The following KMT2C variants were observed in gnomAD, a reference collection of about 807,000 sequenced individuals.
KMT2C encodes the protein histone-lysine N-methyltransferase 2C.
Under a neutral mutation model 507.9 loss-of-function variants are expected in KMT2C, and 88 were observed. That is an observed-to-expected ratio of 0.17 (90% CI 0.15 to 0.21). The LOEUF (loss-of-function observed/expected upper bound fraction) is 0.21. Among genes scored for constraint, KMT2C ranks in the 10% least tolerant of loss-of-function variants. KMT2C has a pLI of 1.00. For synonymous variants in KMT2C, 2,049 were observed against 2,080.8 expected, an observed-to-expected ratio of 0.98 and a Z score of 0.42; for missense variants, 4,954 against 5,957.8, an observed-to-expected ratio of 0.83 and a Z score of 5.55.
intron 55 of KMT2C, among the ~76,000 whole-genome samples, chr7:152,141,267 G>C (rs2090501975): frequency 6.6e-6 from 1 of 151,844 alleles, no homozygotes; most frequent in South Asian, 2.1e-4. Context: ...CTTTAATCTG[G>C]GAGCCAAGAT....
chr7:152,317,441 C>T (rs2096731565), intron 3 of KMT2C, among the ~76,000 whole-genome samples: 1 of 152,132 alleles, frequency 6.6e-6, no homozygotes, highest in Non-Finnish European at 1.5e-5. Context: ...ATTCACTTTT[C>T]TGAAACCCAT....
At chr7:152,308,015 A>C (rs189193701) in intron 6 of KMT2C, among the ~76,000 whole-genome samples, 2 of 152,330 alleles carry the variant, frequency 1.3e-5, no homozygotes, top group Admixed American at 1.3e-4. Flanking sequence ...TTTTCACTGA[A>C]ATATCATTGT....
chr7:152,183,233 T>G, intron 34 of KMT2C, 77 bp from the exon 35 acceptor site: 1 of 1,193,268 alleles, frequency 8.4e-7, no homozygotes, highest in Non-Finnish European at 1.2e-6. Flanking sequence ...TATCATGAAC[T>G]TTCTCAAATA....
At position 152,187,797 on chromosome 7, in the gene KMT2C, G is replaced by A. The variant is rs2093670010; in HGVS notation, c.4711C>T (p.His1571Tyr). 9 of 1,613,884 alleles carry A rather than the reference G, an allele frequency of 5.6e-6. No individual in the cohort carries two copies. The highest frequency in any genetic ancestry group is 1.3e-5 in the African/African-American group (1 of 74,924). ...LMNGLIGSSP[H>Y]LPHNSLPPGS... ...GGTGGCAAAGAATTATGTGGGAGAT[G>A]AGGACTGGATCCAATAAGGCCATTC... Residue 1571 changes from histidine (H) to tyrosine (Y), a missense_variant, in exon 32 of 59, where the codon CAT becomes TAT. Around this residue, in one of 29 missense-constraint regions of KMT2C, gnomAD observed 195 missense variants for 183.7 expected, o/e 1.06. Coordinates refer to ENST00000262189, the MANE Select transcript of KMT2C (RefSeq NM_170606.3).
chr7:152,146,790 CAAG>C, intron 52 of KMT2C, 55 bp from the exon 53 acceptor site: 1 of 1,502,318 alleles, frequency 6.7e-7, no homozygotes, highest in Non-Finnish European at 9.1e-7. Flanking sequence ...GTATAAAAAA[CAAG>C]AGCAAAATGA....
In KMT2C at chr7:152,178,014, TTA is replaced by T. The variant is rs1491186884; in HGVS notation, c.7443-6_7443-5del. 1.0e-4 allele frequency: 113 copies of T among 1,129,600 alleles called. No homozygotes were observed. Among genetic ancestry groups the T allele is most frequent in the East Asian group, 5.2e-4 (13 of 25,204 alleles). 70.0% of individuals were successfully genotyped at this position (1,129,600 alleles called of 1,614,324 possible). On this transcript the variant is annotated splice_polypyrimidine_tract_variant and splice_region_variant and intron_variant, in intron 37 of 58. Transcript: ENST00000262189. ...ACTACCTCCTGGAAATCCAAATCTT[TTA>T]AAAAAAAAAAAAAAAAAAAAAAAAA...
chr7:152,363,326 G>A (rs954849038), intron 1 of KMT2C, among the ~76,000 whole-genome samples: 1 of 152,046 alleles, frequency 6.6e-6, no homozygotes. Context: ...ACCAAGAAAT[G>A]TGAAGTAAAA....
chr7:152,428,074 C>CAAA (rs2097837385), intron 1 of KMT2C, among the ~76,000 whole-genome samples: 1 of 152,016 alleles, frequency 6.6e-6, no homozygotes, highest in Non-Finnish European at 1.5e-5. Flanking sequence ...ATTTGAGTGC[C>CAAA]TACATTCAAA....
chr7:152,409,429 T>G (rs889234399), intron 1 of KMT2C, among the ~76,000 whole-genome samples: 72 of 152,144 alleles, frequency 4.7e-4, no homozygotes, highest in African/African-American at 1.6e-3. Context: ...AAAATGCTGG[T>G]TAAGTGGGCC....
At chr7:152,152,336 CAG>C (rs1192111579) in intron 49 of KMT2C, among the ~76,000 whole-genome samples, 2 of 152,186 alleles carry the variant, frequency 1.3e-5, no homozygotes, top group East Asian at 3.8e-4. Flanking sequence ...GAACAGGAAA[CAG>C]AACCCACGTC....
chr7:152,219,074 A>G (rs1017104666), intron 23 of KMT2C, among the ~76,000 whole-genome samples: 1 of 151,922 alleles, frequency 6.6e-6, no homozygotes, highest in African/African-American at 2.4e-5. Context: ...GGTTCAAGCA[A>G]TTCTCCTGCC....
chr7:152,215,990 G>A (rs2094573544), intron 23 of KMT2C, among the ~76,000 whole-genome samples: 1 of 152,278 alleles, frequency 6.6e-6, no homozygotes, highest in Non-Finnish European at 1.5e-5. Context: ...ACCTTCACCA[G>A]ATGGATAGTC....
At position 152,320,467 on chromosome 7, in the gene KMT2C, T is replaced by C. The variant is rs577793694; in HGVS notation, c.390-5129A>G. On this transcript the variant is annotated intron_variant, in intron 3 of 58. Transcript: ENST00000262189. ...TTTTGCCATGGTGGCCAGGCTGGTC[T>C]CAAACTCCTGGCCTCAGGTGATCCA... Among the ~76,000 whole-genome samples, 738 of 151,304 alleles carry C rather than the reference T, an allele frequency of 4.9e-3. 7 individuals carry two copies. Among genetic ancestry groups the C allele is most frequent in the Non-Finnish European group, 6.0e-3 (406 of 67,554 alleles).
At chr7:152,221,466 T>A (rs2094768551) in intron 22 of KMT2C, among the ~76,000 whole-genome samples, 1 of 152,148 alleles carries the variant, frequency 6.6e-6, no homozygotes, top group South Asian at 2.1e-4. Flanking sequence ...TAGGGAGAAG[T>A]AATAAATAAG....
At chr7:152,390,042 T>TA (rs2097477911) in intron 1 of KMT2C, among the ~76,000 whole-genome samples, 1 of 152,154 alleles carries the variant, frequency 6.6e-6, no homozygotes, top group Non-Finnish European at 1.5e-5. Flanking sequence ...ATGGAAGTAA[T>TA]AGACTAGAGA....
chr7:152,220,428 A>G (rs1233654904), intron 23 of KMT2C, 95 bp downstream of exon 23: 157 of 982,520 alleles, frequency 1.6e-4, no homozygotes, highest in Non-Finnish European at 6.2e-6. Context: ...AGTCAGTGTG[A>G]TTTACCCTTT....
At chr7:152,221,873 T>C in intron 22 of KMT2C, 128 bp downstream of exon 22, 1 of 660,470 alleles carries the variant, frequency 1.5e-6, no homozygotes, top group Non-Finnish European at 2.7e-6. Flanking sequence ...GTGGAAATGA[T>C]TACCAACATT....
Position 152,249,963 on chromosome 7 carries a change from AC to A in KMT2C, c.1736-11del. ...GTGTGGACTTGAACCGCTGTGAGTAACACATTTATAAAATCTCTAAGGAGTC... is the reference window on the plus strand; with the variant it reads ...GTGTGGACTTGAACCGCTGTGAGTAAACATTTATAAAATCTCTAAGGAGTC... On this transcript the variant is annotated splice_polypyrimidine_tract_variant and intron_variant, in intron 12 of 58. Transcript: ENST00000262189. 6.3e-7 allele frequency: 1 copy of A among 1,587,274 alleles called. No homozygotes were observed. Among genetic ancestry groups the A allele is most frequent in the Non-Finnish European group, 8.6e-7 (1 of 1,156,976 alleles).
intron 6 of KMT2C, among the ~76,000 whole-genome samples, chr7:152,309,050 A>T (rs1244613926): frequency 6.6e-6 from 1 of 152,116 alleles, no homozygotes; most frequent in Non-Finnish European, 1.5e-5. Flanking sequence ...AACTAAAAAA[A>T]TTTTTTTAAT....
Sources: gnomAD v4.1 joint callset for allele counts (sites outside exome capture counted in the v4.1 genomes callset) on GRCh38, gnomAD v4.1.1 for gene constraint, gnomAD v4.1.1 regional missense constraint, MANE v1.5 for transcripts, NCBI Gene and HGNC (gene_info 2026-07-23, HGNC 2026-07-21) for gene names.